STK31: variants seen among roughly 807,000 people sequenced by gnomAD.
The protein encoded by STK31 is serine/threonine-protein kinase 31.
In STK31, 89 loss-of-function variants were observed where a neutral mutation model predicts 129.7. The ratio of observed to expected loss-of-function variants is 0.69; its 90% CI spans 0.58 to 0.82. The LOEUF is 0.82. Among genes scored for constraint, STK31 ranks in the 40% least tolerant of loss-of-function variants. The pLI, the probability that STK31 is intolerant of heterozygous loss-of-function variation, is 0.00. For missense variants in STK31, 1,187 were observed against 1,176.4 expected (o/e 1.01, Z -0.13); for synonymous variants, 448 against 395.3 (o/e 1.13, Z -1.58).
At chr7:23,738,685 A>G (rs1180825149) in intron 8 of STK31, among the ~76,000 whole-genome samples, 1 of 151,864 alleles carries the variant, frequency 6.6e-6, no homozygotes, top group Non-Finnish European at 1.5e-5. Context: ...GCCTCCTGAT[A>G]GCTGGCATTA....
intron 11 of STK31, among the ~76,000 whole-genome samples, chr7:23,765,157 C>T (rs538933166): frequency 4.4e-4 from 67 of 151,950 alleles, no homozygotes; most frequent in African/African-American, 1.2e-3. Context: ...CGGGTTCAAG[C>T]GATTCTCCTG....
At chr7:23,830,592 TTGTGTGTGTGTGTGTGTGTGTG>T (rs3034048) in intron 23 of STK31, among the ~76,000 whole-genome samples, 1 of 142,140 alleles carries the variant, frequency 7.0e-6, no homozygotes, top group Non-Finnish European at 1.5e-5. Context: ...AATTTCCATG[TTGTGTGTGTGTGTGTGTGTGTG>T]TGTGTGTGTG....
intron 23 of STK31, among the ~76,000 whole-genome samples, chr7:23,831,320 C>T (rs544537044): frequency 6.6e-6 from 1 of 152,216 alleles, no homozygotes; most frequent in East Asian, 1.9e-4. Flanking sequence ...AGAATTGTTA[C>T]ATTCTCTTGC....
intron 11 of STK31, 77 bp from the exon 12 acceptor site, chr7:23,768,918 C>T: frequency 6.8e-6 from 8 of 1,177,928 alleles, no homozygotes; most frequent in South Asian, 2.6e-5. Flanking sequence ...GCTTTTCTAC[C>T]CCTTAGATCC....
intron 7 of STK31, among the ~76,000 whole-genome samples, chr7:23,736,680 TA>T (rs777727005): frequency 1.7e-4 from 26 of 152,190 alleles, no homozygotes; most frequent in South Asian, 6.2e-4. Flanking sequence ...GAAGTTGGAA[TA>T]TTTTTTTTTG....
chr7:23,721,731 C>G (rs1253996300), intron 4 of STK31: 2 of 758,318 alleles, frequency 2.6e-6, no homozygotes, highest in East Asian at 2.5e-5. Context: ...ACAAGTGGAG[C>G]AAATGACACA....
chr7:23,806,592 T>C (rs73084762), intron 22 of STK31, among the ~76,000 whole-genome samples: 3,724 of 152,220 alleles, frequency 0.024, 88 homozygotes, highest in African/African-American at 0.061. Context: ...TAGAATTGAA[T>C]GTAGGAGGAT....
At chr7:23,797,420 C>T (rs772080562) in intron 22 of STK31, among the ~76,000 whole-genome samples, 33 of 152,158 alleles carry the variant, frequency 2.2e-4, no homozygotes, top group Non-Finnish European at 4.1e-4. Flanking sequence ...TCTCTCAGAC[C>T]ACAGTGCAAT....
At chr7:23,780,829 GT>G (rs1182877687) in intron 15 of STK31, among the ~76,000 whole-genome samples, 2 of 152,260 alleles carry the variant, frequency 1.3e-5, no homozygotes, top group South Asian at 4.1e-4. Flanking sequence ...GGTGTGCAGG[GT>G]TTTTATGGTT....
chr7:23,720,173 C>T lies in STK31; in HGVS notation c.249+2594C>T, dbSNP rs186362093. 3.2e-3 allele frequency among the ~76,000 whole-genome samples: 487 copies of T among 152,118 alleles called. 3 individuals carry two copies. Among genetic ancestry groups the T allele is most frequent in the Middle Eastern group, 0.01 (3 of 294 alleles). ...GCCATTATAATTTTACCAAAAGAAA[C>T]ACGAAAAATATGGGAAGAAGTGAAA... On this transcript the variant is annotated intron_variant, in intron 4 of 23. Transcript: ENST00000355870.
intron 10 of STK31, among the ~76,000 whole-genome samples, chr7:23,757,047 A>G (rs1789132292): frequency 6.6e-6 from 1 of 152,156 alleles, no homozygotes; most frequent in Admixed American, 6.5e-5. Context: ...GTTGTTGGGA[A>G]TAGTTTCAAA....
In STK31 at chr7:23,832,064, A is replaced by C. The variant is rs1339899839; in HGVS notation, c.2830-72A>C. On this transcript the variant is annotated intron_variant, in intron 23 of 23. Transcript: ENST00000355870. ...CCTGACTGTATTTATTGAAAAAATAAGTCCACTTCCTTCTTCATTACAGAT... is the reference window on the plus strand; with the variant it reads ...CCTGACTGTATTTATTGAAAAAATACGTCCACTTCCTTCTTCATTACAGAT... 1.7e-5 allele frequency: 18 copies of C among 1,074,978 alleles called. No individual in the cohort carries two copies. The East Asian group carries it at 4.3e-4, about 26-fold the overall frequency. The allele number at this position is 1,074,978 out of a possible 1,614,324, so 66.6% of individuals were successfully genotyped here. A position where few individuals can be genotyped will look rare whatever the true frequency, so the allele number is the denominator to read the frequency against.
In STK31 at chr7:23,811,357, G is replaced by A. The variant is rs991463486; in HGVS notation, c.2761-3787G>A. 20 of 383,882 alleles carry A rather than the reference G, an allele frequency of 5.2e-5. 1 individual carries two copies. The Admixed American group carries it at 5.7e-4, about 11-fold the overall frequency. The allele number at this position is 383,882 out of a possible 1,614,324, so 23.8% of individuals were successfully genotyped here. On this transcript the variant is annotated intron_variant, in intron 22 of 23. Coordinates refer to ENST00000355870, the MANE Select transcript of STK31 (RefSeq NM_031414.5). Reference sequence around the variant, plus strand: ...TTTCTGGTCTTCATTCTTCAAGTTTGCCTTTGATTGATTTAATGTAATCTT... The same window carrying A: ...TTTCTGGTCTTCATTCTTCAAGTTTACCTTTGATTGATTTAATGTAATCTT...
intron 22 of STK31, among the ~76,000 whole-genome samples, chr7:23,814,146 C>CTTTCTTTTTTTT (rs71552259): frequency 1.0e-5 from 1 of 98,916 alleles, no homozygotes; most frequent in African/African-American, 4.5e-5. Flanking sequence ...ATCTGGCTCA[C>CTTTCTTTTTTTT]TTATTTTTTT....
chr7:23,722,012 G>A (rs1338332866), intron 4 of STK31: 1 of 184,694 alleles, frequency 5.4e-6, no homozygotes, highest in Non-Finnish European at 1.1e-5. Context: ...TTTGCAGTGG[G>A]TTTGAACATC....
At chr7:23,819,026 T>C (rs1793632768) in intron 23 of STK31, among the ~76,000 whole-genome samples, 1 of 152,188 alleles carries the variant, frequency 6.6e-6, no homozygotes, top group Non-Finnish European at 1.5e-5. Context: ...AAAATTATAT[T>C]TTTATTGGAT....
At chr7:23,798,905 A>G (rs1792185537) in intron 22 of STK31, among the ~76,000 whole-genome samples, 1 of 152,234 alleles carries the variant, frequency 6.6e-6, no homozygotes, top group African/African-American at 2.4e-5. Flanking sequence ...AAGTCTCAGG[A>G]TACAAAATCA....
chr7:23,710,385 A>G (rs201368088), intron 1 of STK31, 50 bp downstream of exon 1: 46 of 1,612,514 alleles, frequency 2.9e-5, no homozygotes, highest in African/African-American at 4.0e-5. Flanking sequence ...TTCAAGGACT[A>G]TTTTCGTCGC....
chr7:23,819,731 T>C (rs1793689046), intron 23 of STK31, among the ~76,000 whole-genome samples: 1 of 152,160 alleles, frequency 6.6e-6, no homozygotes, highest in South Asian at 2.1e-4. Context: ...TGATATGTGC[T>C]TTGGTTGGAG....
Sources: allele counts gnomAD v4.1 joint callset (sites outside exome capture counted in the v4.1 genomes callset), GRCh38; gene constraint gnomAD v4.1.1; transcripts MANE v1.5; gene names NCBI Gene and HGNC (gene_info 2026-07-23, HGNC 2026-07-21).